Variants in NOL4 observed in about 807,000 individuals in gnomAD.
NOL4 encodes the protein nucleolar protein 4, also known as cancer/testis antigen 125.
NOL4 carries 17 observed loss-of-function variants against 75.9 expected under a neutral mutation model. The observed-to-expected ratio is 0.22, with a 90% CI of 0.15 to 0.34. The LOEUF is 0.34. NOL4 is among the 10% of genes least tolerant of loss of function. NOL4 has a pLI of 1.00. For synonymous variants in NOL4, 292 were observed against 289.9 expected, an observed-to-expected ratio of 1.01 and a Z score of -0.07; for missense variants, 614 against 793.5, an observed-to-expected ratio of 0.77 and a Z score of 2.72.
In NOL4 at chr18:33,881,863, A is replaced by G. The variant is rs531990255; in HGVS notation, c.1723+1381T>C. Among the ~76,000 whole-genome samples, 5 of 152,202 alleles carry G rather than the reference A, an allele frequency of 3.3e-5. No homozygotes were observed. The South Asian group carries it at 1.0e-3, about 32-fold the overall frequency. On this transcript the variant is annotated intron_variant, in intron 10 of 10. Coordinates refer to ENST00000261592, the MANE Select transcript of NOL4 (RefSeq NM_003787.5). ...TACTGGTACCAAAACAGAGATATAG[A>G]TCAATGGAACAGAACAGAGCCCTCA...
intron 10 of NOL4, among the ~76,000 whole-genome samples, chr18:33,857,416 A>G (rs2062886671): frequency 3.3e-5 from 5 of 152,046 alleles, no homozygotes; most frequent in African/African-American, 1.2e-4. Flanking sequence ...AAATAACTTT[A>G]CCACAGCATA....
At chr18:34,060,540 C>T (rs1458011296) in intron 5 of NOL4, among the ~76,000 whole-genome samples, 1 of 152,062 alleles carries the variant, frequency 6.6e-6, no homozygotes, top group Non-Finnish European at 1.5e-5. Flanking sequence ...TTCCCCACAC[C>T]CTTCTTCCCA....
chr18:34,223,546 C>T lies in NOL4; in HGVS notation c.-293G>A, dbSNP rs995672959. 2 of 494,512 alleles carry T rather than the reference C, an allele frequency of 4.0e-6. No individual in the cohort carries two copies. The highest frequency in any genetic ancestry group is 3.9e-5 in the African/African-American group (2 of 51,674). 30.6% of individuals were successfully genotyped at this position (494,512 alleles called of 1,614,324 possible). ...TCTCTTTAATATTTTGTGACCAGGA[C>T]CATCCCAACACCATTCTGGCCCAGA... On this transcript the variant is annotated 5_prime_UTR_variant, in exon 1 of 11. The change creates a premature stop within an existing upstream ORF in the 5' untranslated region. Transcript: ENST00000261592.
At chr18:34,106,007 C>T (rs1600607155) in intron 2 of NOL4, among the ~76,000 whole-genome samples, 1 of 152,176 alleles carries the variant, frequency 6.6e-6, no homozygotes, top group Middle Eastern at 3.4e-3. Flanking sequence ...GTGACTCAGA[C>T]AGTGCTACTA....
chr18:33,877,063 C>A lies in NOL4; in HGVS notation c.1723+6181G>T, dbSNP rs140443024. ...TTTTTTATTTAAATTCAGCTACACTCAGCCCAAAGTCATTGCTCAAAGAAA... is the reference window on the plus strand; with the variant it reads ...TTTTTTATTTAAATTCAGCTACACTAAGCCCAAAGTCATTGCTCAAAGAAA... On this transcript the variant is annotated intron_variant, in intron 10 of 10. Transcript: ENST00000261592. Among the ~76,000 whole-genome samples the A allele has an allele frequency of 1.1e-4, 17 of 152,158 alleles. No homozygotes were observed. The East Asian group carries it at 2.9e-3, about 26-fold the overall frequency.
intron 5 of NOL4, chr18:34,023,727 G>A (rs1163232890): frequency 1.5e-5 from 4 of 258,212 alleles, no homozygotes; most frequent in East Asian, 7.8e-5. Flanking sequence ...GCAGTTGGAC[G>A]TCGGGAGTTA....
chr18:34,121,204 A>T (rs1181559554), intron 2 of NOL4: 2 of 152,254 alleles, frequency 1.3e-5, no homozygotes, highest in Non-Finnish European at 2.9e-5. Context: ...TGTGACATGA[A>T]GAATTACATT....
chr18:34,163,538 T>A (rs1327387963), intron 1 of NOL4, among the ~76,000 whole-genome samples: 1 of 152,112 alleles, frequency 6.6e-6, no homozygotes, highest in Non-Finnish European at 1.5e-5. Flanking sequence ...TTACAAGGGA[T>A]GTGAAGGACT....
chr18:33,884,759 AT>A (rs769366393), intron 9 of NOL4, among the ~76,000 whole-genome samples: 3 of 152,112 alleles, frequency 2.0e-5, no homozygotes, highest in Non-Finnish European at 4.4e-5. Context: ...TTTCAAATAC[AT>A]TTTTTGTGGC....
intron 5 of NOL4, among the ~76,000 whole-genome samples, chr18:34,092,199 T>C (rs1442841620): frequency 6.6e-6 from 1 of 152,038 alleles, no homozygotes; most frequent in Non-Finnish European, 1.5e-5. Flanking sequence ...ATTAAAAAAA[T>C]ACAAAATCTG....
At chr18:34,140,648 G>C (rs2081107813) in intron 1 of NOL4, among the ~76,000 whole-genome samples, 1 of 152,140 alleles carries the variant, frequency 6.6e-6, no homozygotes, top group Non-Finnish European at 1.5e-5. Flanking sequence ...GCCAGTCTGT[G>C]TCTTTTAATT....
chr18:33,868,291 G>A (rs2063531334), intron 10 of NOL4, among the ~76,000 whole-genome samples: 1 of 151,368 alleles, frequency 6.6e-6, no homozygotes, highest in African/African-American at 2.4e-5. Context: ...CAAACCACCT[G>A]CTTCAGCTAG....
In NOL4 at chr18:33,877,607, C is replaced by T. The variant is rs1048878221; in HGVS notation, c.1723+5637G>A. On this transcript the variant is annotated intron_variant, in intron 10 of 10. Coordinates refer to ENST00000261592, the MANE Select transcript of NOL4 (RefSeq NM_003787.5). ...AAATGATTTCTCATGTCCCTTTAGC[C>T]TCTGTCATTTTATGATAGGAAAGTT... Among the ~76,000 whole-genome samples, 12 of 151,962 alleles carry T rather than the reference C, an allele frequency of 7.9e-5. No homozygotes were observed. In the South Asian group the frequency reaches 2.5e-3, roughly 32 times the overall value.
intron 1 of NOL4, among the ~76,000 whole-genome samples, chr18:34,162,223 G>C (rs1051805521): frequency 1.3e-5 from 2 of 151,970 alleles, no homozygotes; most frequent in East Asian, 1.9e-4. Flanking sequence ...CAGAAGGCAA[G>C]AAATAACTAA....
intron 6 of NOL4, among the ~76,000 whole-genome samples, chr18:33,962,346 A>T (rs909101669): frequency 6.6e-6 from 1 of 152,212 alleles, no homozygotes; most frequent in African/African-American, 2.4e-5. Flanking sequence ...TTCACACATG[A>T]TCATTCAAAT....
chr18:33,855,678 T>G (rs947060699), intron 10 of NOL4, among the ~76,000 whole-genome samples: 1 of 152,102 alleles, frequency 6.6e-6, no homozygotes, highest in African/African-American at 2.4e-5. Context: ...AGATATTTCA[T>G]GCTAACATAC....
At chr18:34,103,058 A>C (rs2079114458) in intron 4 of NOL4, among the ~76,000 whole-genome samples, 2 of 152,024 alleles carry the variant, frequency 1.3e-5, no homozygotes. Flanking sequence ...AAAACTAAAA[A>C]CTTGATTTGA....
chr18:33,977,111 A>C (rs2071552481), intron 6 of NOL4, among the ~76,000 whole-genome samples: 1 of 152,204 alleles, frequency 6.6e-6, no homozygotes, highest in African/African-American at 2.4e-5. Context: ...TAGTGTGCTT[A>C]TTATATTCCA....
At chr18:34,158,574 G>A (rs2030872537) in intron 1 of NOL4, 1 of 152,120 alleles carries the variant, frequency 6.6e-6, no homozygotes, top group African/African-American at 2.4e-5. Context: ...TAAACAGCTC[G>A]TTTTTACGTA....
Sources: allele counts gnomAD v4.1 joint callset (sites outside exome capture counted in the v4.1 genomes callset), GRCh38; gene constraint gnomAD v4.1.1; transcripts MANE v1.5; gene names NCBI Gene and HGNC (gene_info 2026-07-23, HGNC 2026-07-21).